The following TECTA variants were observed in gnomAD, a reference collection of about 807,000 sequenced individuals.
TECTA encodes tectorin alpha.
In TECTA, 128 loss-of-function variants were observed where a neutral mutation model predicts 216.8. That is an observed-to-expected ratio of 0.59 (90% CI 0.51 to 0.68). The LOEUF (loss-of-function observed/expected upper bound fraction) is 0.68, where lower values mean the gene tolerates loss of function less well. Ranked by LOEUF, TECTA falls within the 30% of genes least tolerant of loss-of-function variation. The pLI is 0.00. For synonymous variants in TECTA, 1,089 were observed against 1,117.1 expected, an observed-to-expected ratio of 0.97 and a Z score of 0.50; for missense variants, 2,551 against 2,786.2, an observed-to-expected ratio of 0.92 and a Z score of 1.90.
intron 3 of TECTA, among the ~76,000 whole-genome samples, chr11:121,108,551 C>A (rs996788677): frequency 6.7e-6 from 1 of 149,378 alleles, no homozygotes; most frequent in South Asian, 2.1e-4. Context: ...CACATACACA[C>A]CACCCCCAGT....
chr11:121,118,440 G>A lies in TECTA; in HGVS notation c.925G>A (p.Gly309Ser). ...CSPYEVCEPK[G>S]KFFYCSAVET... Reference sequence around the variant, plus strand: ...CCCCTACGAGGTGTGCGAACCCAAAGGCAAATTCTTCTACTGCAGCGCTGT... The same window carrying A: ...CCCCTACGAGGTGTGCGAACCCAAAAGCAAATTCTTCTACTGCAGCGCTGT... The change falls in exon 7 of 24, where the codon GGC becomes AGC. Residue 309 changes from glycine to serine, a missense_variant. By Grantham distance (56) the Gly-to-Ser change is moderately conservative. Around this residue, in one of 3 missense-constraint regions of TECTA, gnomAD observed 2,375 missense variants for 2,563.9 expected, o/e 0.93. Transcript: ENST00000392793. 1 of 1,614,194 alleles carries A rather than the reference G, an allele frequency of 6.2e-7. No individual in the cohort carries two copies. Among genetic ancestry groups the A allele is most frequent in the Non-Finnish European group, 8.5e-7 (1 of 1,180,050 alleles).
chr11:121,111,626 G>A (rs570755101), intron 4 of TECTA, among the ~76,000 whole-genome samples: 1 of 152,192 alleles, frequency 6.6e-6, no homozygotes, highest in South Asian at 2.1e-4. Context: ...GATATTTCCA[G>A]CTTCACTGTG....
chr11:121,140,707 G>C (rs596882), intron 11 of TECTA, among the ~76,000 whole-genome samples: 72,802 of 151,936 alleles, frequency 0.48, 19,382 homozygotes, highest in African/African-American at 0.72. Context: ...CTCAATGTTC[G>C]TCACCTTGTG....
intron 3 of TECTA, among the ~76,000 whole-genome samples, chr11:121,107,486 C>G (rs1366535761): frequency 6.6e-6 from 1 of 152,218 alleles, no homozygotes; most frequent in East Asian, 1.9e-4. Flanking sequence ...ACACGTAGAC[C>G]TACCCTTGGT....
intron 11 of TECTA, among the ~76,000 whole-genome samples, chr11:121,143,331 C>A (rs1946802177): frequency 6.6e-6 from 1 of 152,168 alleles, no homozygotes; most frequent in African/African-American, 2.4e-5. Context: ...GGATATTTTT[C>A]CCTTATCTAC....
rs1421134863 is a variant in TECTA, at chr11:121,160,150, G to A, written c.4705G>A (p.Val1569Met). 6.2e-7 allele frequency: 1 copy of A among 1,614,214 alleles called. No homozygotes were observed. Among genetic ancestry groups the A allele is most frequent in the South Asian group, 1.1e-5 (1 of 91,082 alleles). ...CCTCCAATAGGTGAATGGCACACAAGTGAATGTTCCATTTATAACTGGTTT... is the reference window on the plus strand; with the variant it reads ...CCTCCAATAGGTGAATGGCACACAAATGAATGTTCCATTTATAACTGGTTT... ...RNTVKVNGTQ[V>M]NVPFITGLAT... is the part of the protein sequence containing the mutation. Residue 1569 changes from valine to methionine, a missense_variant, in exon 15 of 24, where the codon GTG (valine) becomes ATG (methionine). This residue lies in a region of TECTA where 2,375 missense variants were observed against 2,563.9 expected (regional missense o/e 0.93). Transcript: ENST00000392793.
At position 121,130,216 on chromosome 11, in the gene TECTA, G is replaced by A. The variant is rs1946660420; in HGVS notation, c.2941+5G>A. On this transcript the variant is annotated splice_donor_5th_base_variant and intron_variant, in intron 10 of 23. Transcript: ENST00000392793. ...GGCGGACCTATGACTTCTGCCGTAA[G>A]TTGGGGTTGGATTCTGGGAGAGGCT... The A allele has an allele frequency of 2.5e-6, 4 of 1,599,832 alleles. No homozygotes were observed. Among genetic ancestry groups the A allele is most frequent in the Non-Finnish European group, 3.4e-6 (4 of 1,179,888 alleles).
At chr11:121,149,338 T>C (rs1190403503) in intron 12 of TECTA, among the ~76,000 whole-genome samples, 1 of 152,238 alleles carries the variant, frequency 6.6e-6, no homozygotes, top group East Asian at 1.9e-4. Context: ...TTCAGAGTGC[T>C]GGGTCCAAAG....
chr11:121,160,209 G>A lies in TECTA; in HGVS notation c.4764G>A (p.Leu1588=). ...AAATCTACAGCAGTGAGGGGTTTCT[G>A]GTGATTGACACCAGCCCAGACATCC... ...ATKIYSSEGF[L]VIDTSPDIQI... is the part of the protein sequence containing the mutation. Residue 1588 remains leucine, a synonymous_variant, in exon 15 of 24, where the codon CTG becomes CTA. Transcript: ENST00000392793. 6.2e-7 allele frequency: 1 copy of A among 1,614,172 alleles called. No individual in the cohort carries two copies. The highest frequency in any genetic ancestry group is 8.5e-7 in the Non-Finnish European group (1 of 1,180,046).
chr11:121,184,185 A>G (rs1947258908), intron 20 of TECTA, among the ~76,000 whole-genome samples: 2 of 152,224 alleles, frequency 1.3e-5, no homozygotes, highest in South Asian at 4.1e-4. Context: ...AAGGCATTTA[A>G]TGGTTACAAC....
chr11:121,126,011 G>A (rs1946608454), intron 8 of TECTA, 139 bp downstream of exon 8: 1 of 1,044,284 alleles, frequency 9.6e-7, no homozygotes, highest in East Asian at 2.6e-5. Flanking sequence ...AAATTACAAA[G>A]AACGAATTGT....
At chr11:121,128,947 T>A (rs1336921702) in intron 9 of TECTA, among the ~76,000 whole-genome samples, 1 of 152,230 alleles carries the variant, frequency 6.6e-6, no homozygotes, top group Non-Finnish European at 1.5e-5. Context: ...GTGCAACTCC[T>A]CATTTCACAT....
In TECTA at chr11:121,102,060, A is replaced by G. The variant is rs76663572; in HGVS notation, c.-1-605A>G. Among the ~76,000 whole-genome samples, 1,118 of 152,248 alleles carry G rather than the reference A, an allele frequency of 7.3e-3. 6 individuals are homozygous for G. Among genetic ancestry groups the G allele is most frequent in the South Asian group, 0.032 (154 of 4,818 alleles). On this transcript the variant is annotated intron_variant, in intron 1 of 23. Coordinates refer to ENST00000392793, the MANE Select transcript of TECTA (RefSeq NM_005422.4). ...CTTTTTTATTACTAATGTTTCTATC[A>G]TTCATTTCACTGTGGGAAGTCAGTG...
intron 13 of TECTA, among the ~76,000 whole-genome samples, chr11:121,156,770 C>G (rs1246529757): frequency 6.6e-6 from 1 of 152,150 alleles, no homozygotes; most frequent in Non-Finnish European, 1.5e-5. Context: ...GCTGGGATTA[C>G]AGGCATGAGC....
In TECTA at chr11:121,162,284, A is replaced by G; in HGVS notation, c.5186A>G (p.Gln1729Arg). ...GGCTGCTACAGCCACAAGAAGTTCC[A>G]GCTGTGCGGCTCCCTGGCCGCCTAC... ...LDGCYSHKKF[Q>R]LCGSLAAYGE... Residue 1729 changes from glutamine to arginine, a missense_variant, in exon 16 of 24, where the codon CAG (glutamine) becomes CGG (arginine). Around this residue, in one of 3 missense-constraint regions of TECTA, gnomAD observed 2,375 missense variants for 2,563.9 expected, o/e 0.93. Coordinates refer to ENST00000392793, the MANE Select transcript of TECTA (RefSeq NM_005422.4). 1 of 1,613,836 alleles carries G rather than the reference A, an allele frequency of 6.2e-7. No individual in the cohort carries two copies. The highest frequency in any genetic ancestry group is 8.5e-7 in the Non-Finnish European group (1 of 1,180,044).
rs1183234547 is a variant in TECTA at position 121,105,428 on chromosome 11, C to T, written c.65-403C>T. 2.6e-5 allele frequency among the ~76,000 whole-genome samples: 4 copies of T among 152,194 alleles called. No homozygotes were observed. The highest frequency in any genetic ancestry group is 1.3e-4 in the Admixed American group (2 of 15,288). ...AGGGAACTCCTTTCAGGAAAACACA[C>T]GATAGTGGAATTCTTGAGCTAGAAC... On this transcript the variant is annotated intron_variant, in intron 2 of 23. Transcript: ENST00000392793. This position sits in a 1 kb window ranked among gnomAD's most constrained non-coding sequence, Gnocchi z 5.3.
In TECTA at chr11:121,162,096, C is replaced by T. The variant is rs766811207; in HGVS notation, c.4998C>T (p.Asn1666=). 7.4e-6 allele frequency: 12 copies of T among 1,614,132 alleles called. No homozygotes were observed. Among genetic ancestry groups the T allele is most frequent in the East Asian group, 2.2e-5 (1 of 44,888 alleles). Residue 1666 remains asparagine, a synonymous_variant, in exon 16 of 24, where the codon AAC becomes AAT. Transcript: ENST00000392793. ...CCAGACCTCTTGCCCCCAGCTGCAA[C>T]GAGCTGCAGTTCTCACAGTATGCAG... The part of the protein sequence containing the change: ...MQKRPLAPSC[N]ELQFSQYAAM...
intron 17 of TECTA, 151 bp from the exon 18 acceptor site, chr11:121,166,427 G>A (rs1189659619): frequency 1.4e-5 from 11 of 774,328 alleles, no homozygotes; most frequent in Non-Finnish European, 1.8e-5. Context: ...ATGCTCATTT[G>A]GTTTGATCAA....
rs1946344836 is a variant in TECTA, at chr11:121,101,260, T to C, written c.-184T>C. ...CAGCTCAACACTTACCTGTCTCTAGTGCAGGACTAACTTAATTTTTGGTTT... is the reference window on the plus strand; with the variant it reads ...CAGCTCAACACTTACCTGTCTCTAGCGCAGGACTAACTTAATTTTTGGTTT... On this transcript the variant is annotated 5_prime_UTR_variant, in exon 1 of 24. Transcript: ENST00000392793. The C allele has an allele frequency of 6.6e-6, 1 of 152,218 alleles. No individual in the cohort carries two copies. The highest frequency in any genetic ancestry group is 2.1e-4 in the South Asian group (1 of 4,838). 9.4% of individuals were successfully genotyped at this position (152,218 alleles called of 1,614,324 possible). A position where few individuals can be genotyped will look rare whatever the true frequency, so the allele number is the denominator to read the frequency against.
Sources: gnomAD v4.1 joint callset for allele counts (sites outside exome capture counted in the v4.1 genomes callset) on GRCh38, gnomAD v4.1.1 for gene constraint, gnomAD v4.1.1 regional missense constraint, Gnocchi (gnomAD v3.1) non-coding constraint, MANE v1.5 for transcripts, NCBI Gene and HGNC (gene_info 2026-07-23, HGNC 2026-07-21) for gene names.